The following GALNT1 variants were observed in gnomAD, a reference collection of about 807,000 sequenced individuals.
GALNT1 encodes GalNAc transferase 1.
GALNT1 carries 17 observed loss-of-function variants against 65.7 expected under a neutral mutation model. The ratio of observed to expected loss-of-function variants is 0.26; its 90% confidence interval spans 0.18 to 0.39. The LOEUF is 0.39. Among genes scored for constraint, GALNT1 ranks in the 10% least tolerant of loss-of-function variants. The probability of loss-of-function intolerance (pLI) is 1.00; values close to 1 mark genes in which losing one functional copy is unlikely to be tolerated. For missense variants in GALNT1, 460 were observed against 672.8 expected, an observed-to-expected ratio of 0.68 and a Z score of 3.50; for synonymous variants, 210 against 219.7, an observed-to-expected ratio of 0.96 and a Z score of 0.39.
At chr18:35,611,746 G>GCAC (rs1006808276) in intron 1 of GALNT1, among the ~76,000 whole-genome samples, 1 of 152,190 alleles carries the variant, frequency 6.6e-6, no homozygotes, top group Non-Finnish European at 1.5e-5. Flanking sequence ...GTGTTAGGCA[G>GCAC]CACCACCACC....
intron 1 of GALNT1, among the ~76,000 whole-genome samples, chr18:35,612,844 A>G (rs1322127522): frequency 4.0e-5 from 6 of 151,284 alleles, no homozygotes; most frequent in African/African-American, 1.5e-4. Flanking sequence ...CAGCCTGGGC[A>G]ACAAGAATGA....
chr18:35,648,221 GAGAGTGTAAAACCATC>G (rs1383232533), intron 1 of GALNT1, among the ~76,000 whole-genome samples: 1 of 152,096 alleles, frequency 6.6e-6, no homozygotes, highest in African/African-American at 2.4e-5. Flanking sequence ...TTGACTTTGT[GAGAGTGTAAAACCATC>G]ACAATTTATG....
intron 1 of GALNT1, among the ~76,000 whole-genome samples, chr18:35,623,649 T>G (rs1181411804): frequency 6.6e-6 from 1 of 152,184 alleles, no homozygotes; most frequent in Non-Finnish European, 1.5e-5. Flanking sequence ...TGATCTCCCT[T>G]TAAATGGACT....
At chr18:35,657,453 C>T (rs1052831060) in intron 2 of GALNT1, among the ~76,000 whole-genome samples, 3 of 152,068 alleles carry the variant, frequency 2.0e-5, no homozygotes, top group African/African-American at 4.8e-5. Flanking sequence ...AGAGAATGGT[C>T]GAGATGGAGA....
At chr18:35,705,042 GCT>G (rs1343658073) in intron 11 of GALNT1, among the ~76,000 whole-genome samples, 2 of 152,118 alleles carry the variant, frequency 1.3e-5, no homozygotes, top group Non-Finnish European at 2.9e-5. Flanking sequence ...TGTTGGCCTG[GCT>G]CTCTCTCCTT....
At chr18:35,596,551 T>A (rs549591511) in intron 1 of GALNT1, 1 of 152,336 alleles carries the variant, frequency 6.6e-6, no homozygotes, top group South Asian at 2.1e-4. Context: ...TCCACCCTAG[T>A]GTACTTGTAG....
At chr18:35,642,496 A>G (rs2047177877) in intron 1 of GALNT1, among the ~76,000 whole-genome samples, 1 of 152,174 alleles carries the variant, frequency 6.6e-6, no homozygotes. Flanking sequence ...TGGGGAAGAG[A>G]TGGGATTTGA....
chr18:35,611,362 T>TA (rs1446173615), intron 1 of GALNT1, among the ~76,000 whole-genome samples: 1 of 152,202 alleles, frequency 6.6e-6, no homozygotes, highest in African/African-American at 2.4e-5. Flanking sequence ...CAGTTGAACA[T>TA]ACTGCAGAGA....
In GALNT1 at chr18:35,692,177, A is replaced by C; in HGVS notation, c.1160-4A>C. 1 of 1,603,202 alleles carries C rather than the reference A, an allele frequency of 6.2e-7. No homozygotes were observed. The highest frequency in any genetic ancestry group is 8.5e-7 in the Non-Finnish European group (1 of 1,175,062). ...AATTCAGAGTCAATTATTTCTTTCA[A>C]CAGGTGTTACAAAGGTAGATTATGG... On this transcript the variant is annotated splice_polypyrimidine_tract_variant and splice_region_variant and intron_variant, in intron 8 of 11. Coordinates refer to ENST00000269195, the MANE Select transcript of GALNT1 (RefSeq NM_020474.4).
At chr18:35,588,463 T>C (rs1412719943) in intron 1 of GALNT1, among the ~76,000 whole-genome samples, 1 of 152,210 alleles carries the variant, frequency 6.6e-6, no homozygotes, top group Non-Finnish European at 1.5e-5. Context: ...CCTAAATCTG[T>C]AAGTTTATGT....
At chr18:35,708,519 AACT>A (rs1164639476) in intron 11 of GALNT1, among the ~76,000 whole-genome samples, 1 of 152,260 alleles carries the variant, frequency 6.6e-6, no homozygotes, top group Non-Finnish European at 1.5e-5. Flanking sequence ...CAGATAAAAG[AACT>A]ACATTAAAAT....
chr18:35,639,850 G>A (rs1334372430), intron 1 of GALNT1, among the ~76,000 whole-genome samples: 5 of 152,102 alleles, frequency 3.3e-5, no homozygotes, highest in African/African-American at 4.8e-5. Flanking sequence ...AGGGTGGAGT[G>A]CAGTGGTGCG....
chr18:35,603,334 T>C (rs949820049), intron 1 of GALNT1, among the ~76,000 whole-genome samples: 2 of 152,108 alleles, frequency 1.3e-5, no homozygotes, highest in African/African-American at 4.8e-5. Context: ...GAAGTCTGTT[T>C]CTCTTACTGT....
intron 1 of GALNT1, among the ~76,000 whole-genome samples, chr18:35,604,263 G>T (rs1336656674): frequency 2.6e-5 from 4 of 152,104 alleles, no homozygotes; most frequent in Non-Finnish European, 1.5e-5. Flanking sequence ...TCTTTTAAAT[G>T]GCTGCGTGGT....
At chr18:35,625,234 C>T (rs919634934) in intron 1 of GALNT1, among the ~76,000 whole-genome samples, 14 of 152,126 alleles carry the variant, frequency 9.2e-5, no homozygotes, top group Admixed American at 6.5e-5. Context: ...GCCACTGGCA[C>T]ACGGTGGGTG....
chr18:35,663,900 G>C, intron 3 of GALNT1, 98 bp downstream of exon 3: 1 of 1,078,004 alleles, frequency 9.3e-7, no homozygotes, highest in Non-Finnish European at 1.4e-6. Context: ...TAAGGCAAAT[G>C]TTATATCACT....
At chr18:35,696,140 G>C (rs1196949123) in intron 9 of GALNT1, among the ~76,000 whole-genome samples, 2 of 152,124 alleles carry the variant, frequency 1.3e-5, no homozygotes, top group African/African-American at 4.8e-5. Flanking sequence ...AGCCTTGTAC[G>C]CCCTTAATAC....
In GALNT1 at chr18:35,710,787, C is replaced by CTTTG. The variant is rs1325644549; in HGVS notation, c.*1021_*1024dup. On this transcript the variant is annotated 3_prime_UTR_variant, in exon 12 of 12. Transcript: ENST00000269195. ...TTTTCACAGCAATAAATCTTCAGTT[C>CTTTG]TTTGTTTATGATTCCACTTAACAAA... The CTTTG allele has an allele frequency of 6.6e-6, 1 of 152,568 alleles. No homozygotes were observed. The highest frequency in any genetic ancestry group is 1.9e-4 in the East Asian group (1 of 5,192). 9.5% of individuals were successfully genotyped at this position (152,568 alleles called of 1,614,324 possible).
At chr18:35,595,232 C>A (rs1478960202) in intron 1 of GALNT1, among the ~76,000 whole-genome samples, 2 of 152,008 alleles carry the variant, frequency 1.3e-5, no homozygotes, top group Non-Finnish European at 2.9e-5. Context: ...AGATAATTTA[C>A]ATAATGAAAT....
Sources: allele counts gnomAD v4.1 joint callset (sites outside exome capture counted in the v4.1 genomes callset), GRCh38; gene constraint gnomAD v4.1.1; transcripts MANE v1.5; gene names NCBI Gene and HGNC (gene_info 2026-07-23, HGNC 2026-07-21).